Variants in CNOT6L observed in about 807,000 individuals in gnomAD.
CNOT6L encodes the protein CCR4-NOT transcription complex subunit 6 like, also known as CCR4-NOT transcription complex subunit 6-like.
In CNOT6L, 7 loss-of-function variants were observed where a neutral mutation model predicts 64.0. The ratio of observed to expected loss-of-function variants is 0.11; its 90% CI spans 0.06 to 0.21. CNOT6L has a LOEUF of 0.21. Among genes scored for constraint, CNOT6L ranks in the 10% least tolerant of loss-of-function variants. The probability of loss-of-function intolerance (pLI) is 1.00; values close to 1 mark genes in which losing one functional copy is unlikely to be tolerated. For synonymous variants in CNOT6L, 193 were observed against 243.4 expected (o/e 0.79, Z 1.93); for missense variants, 245 against 669.0 (o/e 0.37, Z 6.99).
intron 8 of CNOT6L, among the ~76,000 whole-genome samples, chr4:77,738,516 G>A (rs889822495): frequency 6.5e-4 from 99 of 152,192 alleles, no homozygotes; most frequent in Non-Finnish European, 1.2e-3. Flanking sequence ...CATTTTGGGC[G>A]GCCAAGGAGG....
chr4:77,805,955 A>G (rs1320366493), intron 1 of CNOT6L, among the ~76,000 whole-genome samples: 1 of 152,164 alleles, frequency 6.6e-6, no homozygotes, highest in Non-Finnish European at 1.5e-5. Context: ...TAACCAACAT[A>G]AAATACACAA....
At chr4:77,779,258 A>G (rs1008126606) in intron 1 of CNOT6L, among the ~76,000 whole-genome samples, 2 of 152,038 alleles carry the variant, frequency 1.3e-5, no homozygotes, top group African/African-American at 4.8e-5. Context: ...ATCAATGATC[A>G]TATGCTTTAT....
intron 8 of CNOT6L, among the ~76,000 whole-genome samples, chr4:77,738,895 G>A (rs1301953644): frequency 6.6e-6 from 1 of 152,020 alleles, no homozygotes; most frequent in Admixed American, 6.5e-5. Context: ...CAAAGCAAAA[G>A]CTGAGATCTG....
At chr4:77,787,321 C>T (rs1729571359) in intron 1 of CNOT6L, among the ~76,000 whole-genome samples, 1 of 151,902 alleles carries the variant, frequency 6.6e-6, no homozygotes, top group Admixed American at 6.6e-5. Flanking sequence ...CTAGTTGCCT[C>T]CTTCCTTCAT....
intron 1 of CNOT6L, among the ~76,000 whole-genome samples, chr4:77,814,102 G>A (rs1010035325): frequency 2.6e-5 from 4 of 151,818 alleles, no homozygotes; most frequent in African/African-American, 9.7e-5. Context: ...TGAAAACACG[G>A]TAAGTGAAAT....
At chr4:77,793,387 G>A (rs1013298799) in intron 1 of CNOT6L, among the ~76,000 whole-genome samples, 2 of 152,138 alleles carry the variant, frequency 1.3e-5, no homozygotes, top group African/African-American at 4.8e-5. Context: ...TATCCATAGT[G>A]TTTTACGCGT....
At chr4:77,788,221 G>T (rs183445947) in intron 1 of CNOT6L, among the ~76,000 whole-genome samples, 1 of 152,236 alleles carries the variant, frequency 6.6e-6, no homozygotes, top group East Asian at 1.9e-4. Flanking sequence ...GATGGGAAAA[G>T]ATCTCTTCAG....
At chr4:77,787,663 AG>A (rs1646286216) in intron 1 of CNOT6L, among the ~76,000 whole-genome samples, 1 of 152,128 alleles carries the variant, frequency 6.6e-6, no homozygotes, top group Admixed American at 6.5e-5. Context: ...ATCCACTTAA[AG>A]GAGACTACAC....
chr4:77,748,461 C>G (rs1231021939), intron 5 of CNOT6L, 77 bp from the exon 6 acceptor site: 18 of 927,626 alleles, frequency 1.9e-5, no homozygotes, highest in African/African-American at 3.3e-5. Context: ...GTCAAAAACA[C>G]TTCTGTTTTC....
intron 8 of CNOT6L, among the ~76,000 whole-genome samples, chr4:77,732,166 A>C (rs1253274049): frequency 2.0e-5 from 3 of 152,076 alleles, no homozygotes; most frequent in Non-Finnish European, 4.4e-5. Flanking sequence ...TATTCTGAGA[A>C]ACAGATTCTG....
chr4:77,739,364 A>G lies in CNOT6L; in HGVS notation c.872+2777T>C, dbSNP rs1723331500. Among the ~76,000 whole-genome samples, 2 of 152,224 alleles carry G rather than the reference A, an allele frequency of 1.3e-5. 1 individual carries two copies. Among genetic ancestry groups the G allele is most frequent in the South Asian group, 4.1e-4 (2 of 4,832 alleles). On this transcript the variant is annotated intron_variant, in intron 8 of 11. Coordinates refer to ENST00000504123, the MANE Select transcript of CNOT6L (RefSeq NM_144571.3). ...CTTTGTTAGTTTTGTAACCTCTACA[A>G]AAATGATCTTACAAGATAAGAATAT...
chr4:77,806,153 C>A (rs1401623310), intron 1 of CNOT6L, among the ~76,000 whole-genome samples: 1 of 152,186 alleles, frequency 6.6e-6, no homozygotes, highest in Non-Finnish European at 1.5e-5. Context: ...AGGCCGGGCA[C>A]AGTGACTCAC....
rs189367663 is a variant in CNOT6L, at chr4:77,801,845, C to T, written c.5+17459G>A. 9.7e-4 allele frequency among the ~76,000 whole-genome samples: 148 copies of T among 152,286 alleles called. 1 individual carries two copies. Among genetic ancestry groups the T allele is most frequent in the African/African-American group, 3.1e-3 (127 of 41,558 alleles). On this transcript the variant is annotated intron_variant, in intron 1 of 11. Coordinates refer to ENST00000504123, the MANE Select transcript of CNOT6L (RefSeq NM_144571.3). ...CCGAGGCTATAGCAAACTATGGTCACATCTGTGAATAGCCACTGTATTCCA... is the reference window on the plus strand; with the variant it reads ...CCGAGGCTATAGCAAACTATGGTCATATCTGTGAATAGCCACTGTATTCCA...
At position 77,720,364 on chromosome 4, in the gene CNOT6L, C is replaced by G; in HGVS notation, c.*67G>C. 1.4e-6 allele frequency: 2 copies of G among 1,465,756 alleles called. No homozygotes were observed. The highest frequency in any genetic ancestry group is 1.2e-5 in the South Asian group (1 of 82,214). The allele number at this position is 1,465,756 out of a possible 1,614,324, so 90.8% of individuals were successfully genotyped here. ...TAAGGATGGCCATACTTCACTCCTA[C>G]ATACTTTGATTTACAACTGTACAGG... On this transcript the variant is annotated 3_prime_UTR_variant, in exon 12 of 12. Coordinates refer to ENST00000504123, the MANE Select transcript of CNOT6L (RefSeq NM_144571.3).
intron 4 of CNOT6L, among the ~76,000 whole-genome samples, chr4:77,772,639 T>C (rs2110056141): frequency 6.6e-6 from 1 of 152,240 alleles, no homozygotes; most frequent in Middle Eastern, 3.4e-3. Flanking sequence ...ACTACTTTCT[T>C]AGGCAGGGCA....
intron 8 of CNOT6L, among the ~76,000 whole-genome samples, chr4:77,733,201 T>TA (rs1722627611): frequency 6.6e-6 from 1 of 152,144 alleles, no homozygotes; most frequent in Admixed American, 6.6e-5. Context: ...TTGATGAATA[T>TA]AAAAATTTGA....
In CNOT6L at chr4:77,719,849, C is replaced by A. The variant is rs1721102055; in HGVS notation, c.*582G>T. On this transcript the variant is annotated 3_prime_UTR_variant, in exon 12 of 12. Coordinates refer to ENST00000504123, the MANE Select transcript of CNOT6L (RefSeq NM_144571.3). Reference sequence around the variant, plus strand: ...TGCTGGATTATAAAAGTATACTGTGCAACCATCTTTAATTTTTCAAATTTT... The same window carrying A: ...TGCTGGATTATAAAAGTATACTGTGAAACCATCTTTAATTTTTCAAATTTT... The A allele has an allele frequency of 6.5e-6, 1 of 152,692 alleles. No homozygotes were observed. 9.5% of individuals were successfully genotyped at this position (152,692 alleles called of 1,614,324 possible). A position where few individuals can be genotyped will look rare whatever the true frequency, so the allele number is the denominator to read the frequency against.
chr4:77,736,902 T>C (rs1317252365), intron 8 of CNOT6L, among the ~76,000 whole-genome samples: 1 of 152,140 alleles, frequency 6.6e-6, no homozygotes, highest in African/African-American at 2.4e-5. Context: ...AAAAATCCCC[T>C]TATATGATTT....
At chr4:77,748,893 C>G (rs1218864263) in intron 5 of CNOT6L, among the ~76,000 whole-genome samples, 1 of 151,994 alleles carries the variant, frequency 6.6e-6, no homozygotes, top group African/African-American at 2.4e-5. Flanking sequence ...AGGATAGAAC[C>G]ACATTATGCA....
Sources: gnomAD v4.1 joint callset for allele counts (sites outside exome capture counted in the v4.1 genomes callset) on GRCh38, gnomAD v4.1.1 for gene constraint, MANE v1.5 for transcripts, NCBI Gene and HGNC (gene_info 2026-07-23, HGNC 2026-07-21) for gene names.